The following TBCD variants were observed in gnomAD, a reference collection of about 807,000 sequenced individuals.
TBCD encodes the protein tubulin folding cofactor D, also known as tubulin-specific chaperone D.
In TBCD, 105 loss-of-function variants were observed where a neutral mutation model predicts 169.3. The ratio of observed to expected loss-of-function variants is 0.62; its 90% CI spans 0.53 to 0.73. The LOEUF is 0.73. Ranked by LOEUF, TBCD falls within the 30% of genes least tolerant of loss-of-function variation. The pLI is 0.00. For synonymous variants in TBCD, 700 were observed against 643.9 expected, an observed-to-expected ratio of 1.09 and a Z score of -1.32; for missense variants, 1,444 against 1,600.1, an observed-to-expected ratio of 0.90 and a Z score of 1.66.
intron 20 of TBCD, among the ~76,000 whole-genome samples, chr17:82,906,667 C>T (rs577707763): frequency 1.3e-5 from 2 of 152,242 alleles, no homozygotes; most frequent in South Asian, 2.1e-4. Flanking sequence ...ACCTGCTTCT[C>T]GGACTCCAGT....
At chr17:82,785,101 G>A (rs1281914579) in intron 7 of TBCD, among the ~76,000 whole-genome samples, 14 of 100,614 alleles carry the variant, frequency 1.4e-4, no homozygotes, top group Admixed American at 1.1e-3. Context: ...CAGCGGGAGG[G>A]GGGTCCATGC....
At chr17:82,799,052 G>T (rs1452215490) in intron 8 of TBCD, among the ~76,000 whole-genome samples, 1 of 152,160 alleles carries the variant, frequency 6.6e-6, no homozygotes, top group African/African-American at 2.4e-5. Context: ...CTTAATTTTA[G>T]ATTGAGCCTC....
chr17:82,867,373 G>A (rs974641716), intron 13 of TBCD, among the ~76,000 whole-genome samples: 2 of 152,220 alleles, frequency 1.3e-5, no homozygotes, highest in African/African-American at 4.8e-5. Flanking sequence ...CCAGATGCCC[G>A]AGGCTATGGA....
chr17:82,904,380 G>A (rs1351744028), intron 19 of TBCD, among the ~76,000 whole-genome samples: 1 of 152,122 alleles, frequency 6.6e-6, no homozygotes, highest in African/African-American at 2.4e-5. Flanking sequence ...GACGCTCCCT[G>A]GTCTCTAGGT....
At chr17:82,850,142 G>C (rs1598923900) in intron 13 of TBCD, among the ~76,000 whole-genome samples, 1 of 76,294 alleles carries the variant, frequency 1.3e-5, no homozygotes, top group Non-Finnish European at 2.6e-5. Flanking sequence ...TGTTGGCTGT[G>C]CTGTTGTTGG....
chr17:82,927,840 G>T lies in TBCD; in HGVS notation c.2610-65G>T, dbSNP rs142698206. The T allele has an allele frequency of 4.6e-4, 661 of 1,439,700 alleles. 1 individual carries two copies. In the African/African-American group the frequency reaches 7.8e-3, roughly 17 times the overall value. 89.2% of individuals were successfully genotyped at this position (1,439,700 alleles called of 1,614,324 possible). A position where few individuals can be genotyped will look rare whatever the true frequency, so the allele number is the denominator to read the frequency against. The stretch of plus-strand genomic sequence containing the variant: ...AATTCACACAGGCTGCCGGCGTGGT[G>T]GGCAGAACCAGGGTTGGAACCCCCC... On this transcript the variant is annotated intron_variant, in intron 29 of 38. Coordinates refer to ENST00000355528, the MANE Select transcript of TBCD (RefSeq NM_005993.5).
chr17:82,755,121 A>G (rs1335625295), intron 1 of TBCD, among the ~76,000 whole-genome samples: 1 of 152,222 alleles, frequency 6.6e-6, no homozygotes, highest in Non-Finnish European at 1.5e-5. Context: ...GAGGGCGTCC[A>G]GGGCATTGGT....
intron 13 of TBCD, among the ~76,000 whole-genome samples, chr17:82,849,526 G>C (rs141527687): frequency 2.8e-4 from 43 of 152,188 alleles, no homozygotes; most frequent in Non-Finnish European, 5.6e-4. Context: ...GTTTTTTGAT[G>C]GTGTCTTTTT....
chr17:82,866,500 C>T (rs2145891813), intron 13 of TBCD, among the ~76,000 whole-genome samples: 1 of 152,380 alleles, frequency 6.6e-6, no homozygotes, highest in East Asian at 1.9e-4. Flanking sequence ...GCAGCCAGGC[C>T]TTGGCAGCTG....
At chr17:82,840,954 G>A (rs12602383) in intron 13 of TBCD, among the ~76,000 whole-genome samples, 2 of 44,278 alleles carry the variant, frequency 4.5e-5, no homozygotes, top group Non-Finnish European at 9.2e-5. Flanking sequence ...AGACAAACTG[G>A]TTTTTTTTTT....
chr17:82,798,254 C>T (rs545578751), intron 8 of TBCD, among the ~76,000 whole-genome samples: 3 of 151,988 alleles, frequency 2.0e-5, no homozygotes, highest in African/African-American at 7.2e-5. Context: ...TCACGCCATT[C>T]TCCTGCATCA....
rs987357213 is a variant in TBCD at position 82,831,472 on chromosome 17, A to T, written c.1318+16538A>T. ...TGGGAGTCTGAGACCATAGGAGGAA[A>T]ATGCAGACTCTGGCCTGTAAAATCC... On this transcript the variant is annotated intron_variant, in intron 13 of 38. Transcript: ENST00000355528. The surrounding 1 kb of genome is among the most constrained non-coding windows in gnomAD (Gnocchi z 4.6). 6.2e-6 allele frequency: 10 copies of T among 1,613,978 alleles called. No homozygotes were observed. In the African/African-American group the frequency reaches 1.3e-4, roughly 22 times the overall value.
At position 82,822,671 on chromosome 17, in the gene TBCD, C is replaced by T. The variant is rs111366311; in HGVS notation, c.1318+7737C>T. 7.6e-4 allele frequency among the ~76,000 whole-genome samples: 116 copies of T among 152,128 alleles called. 1 individual carries two copies. In the Middle Eastern group the frequency reaches 0.01, roughly 13 times the overall value. ...AAGAGCGAGGGAGAGTGAGGCCATT[C>T]GGGAGCCACCACAGTGTTCGGAGTG... On this transcript the variant is annotated intron_variant, in intron 13 of 38. Transcript: ENST00000355528.
In TBCD at chr17:82,864,637, G is replaced by A. The variant is rs2057019346; in HGVS notation, c.1319-5587G>A. Among the ~76,000 whole-genome samples, 1 of 152,198 alleles carries A rather than the reference G, an allele frequency of 6.6e-6. No homozygotes were observed. Among genetic ancestry groups the A allele is most frequent in the Non-Finnish European group, 1.5e-5 (1 of 68,028 alleles). The stretch of plus-strand genomic sequence containing the variant: ...GATCTTGGTTCACAGGCACAGGTGG[G>A]GAGAGTTGCTGGGCCAGCGTGGCTG... On this transcript the variant is annotated intron_variant, in intron 13 of 38. Coordinates refer to ENST00000355528, the MANE Select transcript of TBCD (RefSeq NM_005993.5). This position sits in a 1 kb window ranked among gnomAD's most constrained non-coding sequence, Gnocchi z 6.3.
intron 2 of TBCD, among the ~76,000 whole-genome samples, chr17:82,758,538 G>T (rs2047565997): frequency 6.7e-6 from 1 of 148,698 alleles, no homozygotes; most frequent in Non-Finnish European, 1.5e-5. Context: ...GTGTGAGCCA[G>T]CGTGCCCAGC....
rs1301886718 is a variant in TBCD, at chr17:82,849,654, C to T, written c.1319-20570C>T. 9.8e-5 allele frequency among the ~76,000 whole-genome samples: 15 copies of T among 152,330 alleles called. No homozygotes were observed. The South Asian group carries it at 1.0e-3, about 11-fold the overall frequency. On this transcript the variant is annotated intron_variant, in intron 13 of 38. Coordinates refer to ENST00000355528, the MANE Select transcript of TBCD (RefSeq NM_005993.5). ...CGGATAAACTGAGAATCCTCGTGGT[C>T]GCCCCGGGGGTGGGACTGCCATTGT...
intron 13 of TBCD, among the ~76,000 whole-genome samples, chr17:82,850,342 G>GCTATTGTTGGCTGTC (rs2055655402): frequency 9.9e-6 from 1 of 101,098 alleles, no homozygotes; most frequent in Non-Finnish European, 2.0e-5. Context: ...TGTTGGCTGT[G>GCTATTGTTGGCTGTC]CTGTTGTTGG....
chr17:82,945,904 A>G lies in TBCD; in HGVS notation c.*3441A>G, dbSNP rs1291333143. The G allele has an allele frequency of 6.6e-6, 1 of 152,274 alleles. No individual in the cohort carries two copies. The highest frequency in any genetic ancestry group is 1.5e-5 in the Non-Finnish European group (1 of 68,050). 9.4% of individuals were successfully genotyped at this position (152,274 alleles called of 1,614,324 possible). On this transcript the variant is annotated 3_prime_UTR_variant, in exon 39 of 39. Coordinates refer to ENST00000355528, the MANE Select transcript of TBCD (RefSeq NM_005993.5). ...GCAAGGGAAGCAATAAACTGTGACC[A>G]TAAAAACATAGAAAGATGGCTTATA...
chr17:82,753,483 G>C (rs1031052920), intron 1 of TBCD, among the ~76,000 whole-genome samples: 6 of 110,890 alleles, frequency 5.4e-5, no homozygotes, highest in African/African-American at 1.5e-4. Context: ...ACGAAGTCTT[G>C]CTCTGTTGCC....
Sources: gnomAD v4.1 joint callset for allele counts (sites outside exome capture counted in the v4.1 genomes callset) on GRCh38, gnomAD v4.1.1 for gene constraint, Gnocchi (gnomAD v3.1) non-coding constraint, MANE v1.5 for transcripts, NCBI Gene and HGNC (gene_info 2026-07-23, HGNC 2026-07-21) for gene names.